KPNA7: variants seen among roughly 807,000 people sequenced by gnomAD.
KPNA7 encodes the protein karyopherin subunit alpha 7, also known as importin subunit alpha-8.
A neutral mutation model predicts 53.7 loss-of-function variants in KPNA7; 54 were observed. The observed-to-expected ratio is 1.01, with a 90% CI of 0.81 to 1.26. The LOEUF (loss-of-function observed/expected upper bound fraction) is 1.26. Among genes scored for constraint, KPNA7 ranks in the 50% most tolerant of loss-of-function variants. The pLI is 0.00. For missense variants in KPNA7, 640 were observed against 644.5 expected, an observed-to-expected ratio of 0.99 and a Z score of 0.07; for synonymous variants, 276 against 259.3, an observed-to-expected ratio of 1.06 and a Z score of -0.62.
At chr7:99,176,658 T>G (rs1338552224) in intron 10 of KPNA7, among the ~76,000 whole-genome samples, 1 of 152,102 alleles carries the variant, frequency 6.6e-6, no homozygotes, top group African/African-American at 2.4e-5. Flanking sequence ...GTGGCTTGCT[T>G]GAGCTCAGGA....
the KPNA7 span, among the ~76,000 whole-genome samples, chr7:99,160,017 G>GTTTTTTTTTTTTTTTT: frequency 2.5e-4 from 17 of 67,658 alleles, 1 homozygote; most frequent in South Asian, 5.9e-4. Flanking sequence ...TGTTGTTTTT[G>GTTTTTTTTTTTTTTTT]TTTTTTTTTT....
the KPNA7 span, among the ~76,000 whole-genome samples, chr7:99,150,647 C>T: frequency 2.0e-5 from 3 of 151,756 alleles, no homozygotes; most frequent in Admixed American, 2.0e-4. Context: ...AACTCCTGAC[C>T]TCAAGTGATC....
chr7:99,189,316 G>T (rs1054040868), intron 6 of KPNA7, among the ~76,000 whole-genome samples: 2 of 152,106 alleles, frequency 1.3e-5, no homozygotes, highest in Non-Finnish European at 2.9e-5. Flanking sequence ...AGTAGAGACA[G>T]GGGTCTTGCT....
chr7:99,191,847 G>C (rs183718405), intron 6 of KPNA7, among the ~76,000 whole-genome samples: 2 of 152,018 alleles, frequency 1.3e-5, no homozygotes, highest in Non-Finnish European at 2.9e-5. Flanking sequence ...ATAGGATTTC[G>C]CCATATTAGT....
chr7:99,163,375 ATATATATATTTTTTTTTT>A, the KPNA7 span, among the ~76,000 whole-genome samples: 1 of 61,448 alleles, frequency 1.6e-5, no homozygotes, highest in South Asian at 6.3e-4. Flanking sequence ...ATATATATAT[ATATATATATTTTTTTTTT>A]TTTTTTTTTT....
At chr7:99,157,463 C>T in the KPNA7 span, among the ~76,000 whole-genome samples, 1 of 152,316 alleles carries the variant, frequency 6.6e-6, no homozygotes, top group South Asian at 2.1e-4. Context: ...CCTGCCTTGG[C>T]CTCTCAAAGT....
At chr7:99,155,709 T>C in the KPNA7 span, among the ~76,000 whole-genome samples, 1 of 151,700 alleles carries the variant, frequency 6.6e-6, no homozygotes, top group Non-Finnish European at 1.5e-5. Flanking sequence ...TAACAGTGCA[T>C]GCCACCACAC....
upstream of KPNA7, among the ~76,000 whole-genome samples, chr7:99,208,765 C>CAATG (rs1284766775): frequency 6.6e-6 from 1 of 152,156 alleles, no homozygotes; most frequent in Non-Finnish European, 1.5e-5. Context: ...CCAAGACCAC[C>CAATG]AATGCTGGGC....
chr7:99,187,243 T>C (rs968320582), intron 7 of KPNA7, among the ~76,000 whole-genome samples: 7 of 152,056 alleles, frequency 4.6e-5, no homozygotes, highest in Non-Finnish European at 7.4e-5. Context: ...TGAGCCAAGA[T>C]TGTACCACTG....
chr7:99,162,522 A>G, the KPNA7 span, among the ~76,000 whole-genome samples: 1 of 152,216 alleles, frequency 6.6e-6, no homozygotes, highest in Non-Finnish European at 1.5e-5. Context: ...CCCAGCCAGA[A>G]GGTGACTAAC....
intron 9 of KPNA7, among the ~76,000 whole-genome samples, chr7:99,180,356 G>A (rs192418306): frequency 3.9e-5 from 6 of 152,222 alleles, no homozygotes; most frequent in African/African-American, 1.4e-4. Context: ...ACAAACATTG[G>A]CCAGGTGTGG....
chr7:99,180,739 CCCCGTG>C (rs1799161571), intron 9 of KPNA7, among the ~76,000 whole-genome samples: 1 of 88,268 alleles, frequency 1.1e-5, no homozygotes, highest in Non-Finnish European at 2.5e-5. Flanking sequence ...CTCTCTCTCT[CCCCGTG>C]TCTCTCTCTC....
intron 1 of KPNA7, among the ~76,000 whole-genome samples, chr7:99,217,073 T>G (rs1322991501): frequency 1.3e-5 from 2 of 152,230 alleles, no homozygotes; most frequent in Non-Finnish European, 2.9e-5. Context: ...AAGAGTTGGC[T>G]TCTACAAAAT....
chr7:99,171,112 C>T (rs1222472320), downstream of KPNA7, among the ~76,000 whole-genome samples: 3 of 152,092 alleles, frequency 2.0e-5, no homozygotes, highest in Non-Finnish European at 2.9e-5. Flanking sequence ...CCCAGCTACT[C>T]GGGAGGCTGA....
chr7:99,156,242 A>G, the KPNA7 span, among the ~76,000 whole-genome samples: 3 of 152,164 alleles, frequency 2.0e-5, no homozygotes. Context: ...TTATATGGCT[A>G]TGTGGTTCTA....
intron 5 of KPNA7, among the ~76,000 whole-genome samples, chr7:99,193,503 G>C (rs1347870247): frequency 6.6e-6 from 1 of 152,162 alleles, no homozygotes; most frequent in Non-Finnish European, 1.5e-5. Context: ...CCAGCCATCA[G>C]CTACCTTAGC....
At chr7:99,184,778 C>G (rs1789488973) in intron 8 of KPNA7, 151 bp downstream of exon 8, 5 of 692,804 alleles carry the variant, frequency 7.2e-6, no homozygotes, top group Non-Finnish European at 1.2e-5. Flanking sequence ...CGCCCCCTTC[C>G]TTTTTTTCAG....
At chr7:99,170,432 A>T (rs1798750960), downstream of KPNA7, among the ~76,000 whole-genome samples, 2 of 151,768 alleles carry the variant, frequency 1.3e-5, no homozygotes, top group African/African-American at 4.8e-5. Flanking sequence ...TGGAAAATAG[A>T]GAATGGGACA....
Position 99,195,341 on chromosome 7 carries a change from A to G in KPNA7, c.285-3T>C, listed in dbSNP as rs1160646532. On this transcript the variant is annotated splice_polypyrimidine_tract_variant and splice_region_variant and intron_variant, in intron 4 of 10. Coordinates refer to ENST00000327442, the MANE Select transcript of KPNA7 (RefSeq NM_001145715.3). ...TCTTTTCCTGGGATAGCATTTTCCTATGCAATGAAAGAGAGGGCAGGGGAG... is the reference window on the plus strand; with the variant it reads ...TCTTTTCCTGGGATAGCATTTTCCTGTGCAATGAAAGAGAGGGCAGGGGAG... The G allele has an allele frequency of 1.5e-5, 24 of 1,550,432 alleles. No individual in the cohort carries two copies. In the East Asian group the frequency reaches 5.9e-4, roughly 38 times the overall value.
Sources: gnomAD v4.1 joint callset for allele counts (sites outside exome capture counted in the v4.1 genomes callset) on GRCh38, gnomAD v4.1.1 for gene constraint, MANE v1.5 for transcripts, NCBI Gene and HGNC (gene_info 2026-07-23, HGNC 2026-07-21) for gene names.